TMEM117: variants seen among roughly 807,000 people sequenced by gnomAD.
TMEM117 encodes the protein transmembrane protein 117.
TMEM117 carries 27 observed loss-of-function variants against 52.4 expected under a neutral mutation model. The observed-to-expected ratio is 0.51, with a 90% CI of 0.38 to 0.71. TMEM117 has a LOEUF of 0.71. Among genes scored for constraint, TMEM117 ranks in the 30% least tolerant of loss-of-function variants. TMEM117 has a pLI of 0.00. For synonymous variants in TMEM117, 215 were observed against 206.3 expected (o/e 1.04, Z -0.36); for missense variants, 556 against 630.5 (o/e 0.88, Z 1.26).
intron 2 of TMEM117, among the ~76,000 whole-genome samples, chr12:43,918,087 C>A (rs115615247): frequency 1.3e-5 from 2 of 152,132 alleles, no homozygotes; most frequent in Non-Finnish European, 2.9e-5. Context: ...TGAGATGGAA[C>A]ATAACTGTCA....
chr12:43,894,910 AAACT>A (rs1944172344), intron 2 of TMEM117, among the ~76,000 whole-genome samples: 1 of 152,230 alleles, frequency 6.6e-6, no homozygotes, highest in South Asian at 2.1e-4. Context: ...ACAGAAATAA[AAACT>A]AACTCAGTTG....
At position 44,141,915 on chromosome 12, in the gene TMEM117, G is replaced by A. The variant is rs118101588; in HGVS notation, c.411-1610G>A. Among the ~76,000 whole-genome samples the A allele has an allele frequency of 4.6e-5, 7 of 152,242 alleles. No homozygotes were observed. The East Asian group carries it at 1.3e-3, about 29-fold the overall frequency. ...CTTCTTATTAGGATTTATCTTAAAG[G>A]GAAATAAGTTTTAATTTTTATCATC... On this transcript the variant is annotated intron_variant, in intron 3 of 7. Transcript: ENST00000266534.
intron 2 of TMEM117, among the ~76,000 whole-genome samples, chr12:43,942,645 GT>G (rs1161887837): frequency 2.0e-5 from 3 of 151,582 alleles, no homozygotes; most frequent in African/African-American, 7.3e-5. Context: ...TTCATCTCAA[GT>G]TTTAGCTAGG....
At chr12:43,843,890 T>A (rs1943155835) in intron 1 of TMEM117, among the ~76,000 whole-genome samples, 1 of 152,224 alleles carries the variant, frequency 6.6e-6, no homozygotes, top group Non-Finnish European at 1.5e-5. Context: ...TATACATTTG[T>A]CAATGTTTAG....
chr12:44,352,541 C>T (rs1422888630), intron 6 of TMEM117, among the ~76,000 whole-genome samples: 1 of 151,908 alleles, frequency 6.6e-6, no homozygotes, highest in East Asian at 1.9e-4. Flanking sequence ...TGAGAACATG[C>T]AGTGTTTGGT....
chr12:44,376,840 C>T (rs939054701), intron 7 of TMEM117, 116 bp downstream of exon 7: 25 of 1,158,102 alleles, frequency 2.2e-5, no homozygotes, highest in Non-Finnish European at 2.8e-5. Flanking sequence ...TGTTATTTCT[C>T]ATTCACTTAA....
intron 5 of TMEM117, among the ~76,000 whole-genome samples, chr12:44,296,378 A>T (rs1217493213): frequency 6.6e-6 from 1 of 152,036 alleles, no homozygotes; most frequent in Non-Finnish European, 1.5e-5. Flanking sequence ...CAGTGTTTTT[A>T]GGTCTCTCTC....
intron 6 of TMEM117, among the ~76,000 whole-genome samples, chr12:44,336,264 T>C (rs1032815836): frequency 2.0e-5 from 3 of 152,008 alleles, no homozygotes; most frequent in African/African-American, 4.8e-5. Flanking sequence ...ATCTGTAAAA[T>C]GAAGAGAATA....
intron 3 of TMEM117, among the ~76,000 whole-genome samples, chr12:44,005,703 G>T (rs568855803): frequency 6.6e-6 from 1 of 152,280 alleles, no homozygotes; most frequent in South Asian, 2.1e-4. Flanking sequence ...GTTTTGCTGT[G>T]TCCCCACCCA....
chr12:44,027,079 A>G (rs1946544787), intron 3 of TMEM117, among the ~76,000 whole-genome samples: 1 of 95,024 alleles, frequency 1.1e-5, no homozygotes, highest in Non-Finnish European at 2.2e-5. Flanking sequence ...ACCATTTCTT[A>G]GCCTATTTTA....
chr12:43,987,343 T>C (rs900739534), intron 3 of TMEM117, among the ~76,000 whole-genome samples: 1 of 152,210 alleles, frequency 6.6e-6, no homozygotes, highest in Non-Finnish European at 1.5e-5. Flanking sequence ...GGGATATTTC[T>C]TATGGCACAC....
intron 3 of TMEM117, among the ~76,000 whole-genome samples, chr12:44,114,195 A>T (rs142242034): frequency 0.015 from 2,252 of 152,042 alleles, 36 homozygotes; most frequent in African/African-American, 0.051. Flanking sequence ...GGAGCTGTAG[A>T]CCGGAGCTGT....
intron 2 of TMEM117, among the ~76,000 whole-genome samples, chr12:43,935,755 A>G (rs146865623): frequency 8.5e-4 from 129 of 152,346 alleles, no homozygotes; most frequent in Non-Finnish European, 1.6e-3. Flanking sequence ...GAGAGAGTCC[A>G]TCCCATAAGC....
At chr12:44,377,783 T>C (rs1419302511) in intron 7 of TMEM117, among the ~76,000 whole-genome samples, 2 of 152,188 alleles carry the variant, frequency 1.3e-5, no homozygotes, top group African/African-American at 4.8e-5. Context: ...TGCTGCCAAA[T>C]AAAAATAGTC....
chr12:44,181,643 T>C (rs1166701170), intron 4 of TMEM117, among the ~76,000 whole-genome samples: 2 of 152,052 alleles, frequency 1.3e-5, no homozygotes, highest in Non-Finnish European at 2.9e-5. Context: ...TTGTCAGGTT[T>C]GTTAAAGATC....
At chr12:44,048,065 T>A (rs56189744) in intron 3 of TMEM117, among the ~76,000 whole-genome samples, 9,307 of 152,220 alleles carry the variant, frequency 0.061, 440 homozygotes, top group African/African-American at 0.13. Flanking sequence ...TTAAAACTAT[T>A]GAAATTATTG....
chr12:44,148,234 T>G (rs1592557819), intron 4 of TMEM117, among the ~76,000 whole-genome samples: 1 of 152,252 alleles, frequency 6.6e-6, no homozygotes, highest in African/African-American at 2.4e-5. Context: ...TGACCGTCTG[T>G]TTATAAAATT....
intron 5 of TMEM117, among the ~76,000 whole-genome samples, chr12:44,283,832 C>A (rs1261422072): frequency 6.6e-6 from 1 of 152,166 alleles, no homozygotes; most frequent in African/African-American, 2.4e-5. Context: ...CAAATCTCAA[C>A]TTGAATTGTA....
intron 5 of TMEM117, chr12:44,263,819 A>T (rs532076977): frequency 6.6e-6 from 1 of 152,374 alleles, no homozygotes; most frequent in Admixed American, 6.5e-5. Flanking sequence ...ACCACTGTGC[A>T]TGGAAAATAT....
Sources: allele counts gnomAD v4.1 joint callset (sites outside exome capture counted in the v4.1 genomes callset), GRCh38; gene constraint gnomAD v4.1.1; transcripts MANE v1.5; gene names NCBI Gene and HGNC (gene_info 2026-07-23, HGNC 2026-07-21).